ALDH2: variants seen among roughly 807,000 people sequenced by gnomAD.
The protein encoded by ALDH2 is aldehyde dehydrogenase, mitochondrial.
ALDH2 carries 44 observed loss-of-function variants against 59.6 expected under a neutral mutation model. That is an observed-to-expected ratio of 0.74 (90% CI 0.58 to 0.95). The LOEUF is 0.95. ALDH2 is among the 40% of genes least tolerant of loss of function. The probability of loss-of-function intolerance (pLI) is 0.00; values close to 1 mark genes in which losing one functional copy is unlikely to be tolerated. For synonymous variants in ALDH2, 291 were observed against 284.0 expected, an observed-to-expected ratio of 1.02 and a Z score of -0.25; for missense variants, 570 against 696.3, an observed-to-expected ratio of 0.82 and a Z score of 2.04.
chr12:111,790,668 G>C (rs1353831994), intron 6 of ALDH2, 106 bp downstream of exon 6: 170 of 1,465,248 alleles, frequency 1.2e-4, no homozygotes, highest in Non-Finnish European at 1.0e-5. Context: ...AGGTGTGTTT[G>C]TGGAGCCCCC....
At position 111,790,367 on chromosome 12, in the gene ALDH2, C is replaced by T. The variant is rs1014695177; in HGVS notation, c.553-67C>T. On this transcript the variant is annotated intron_variant, in intron 5 of 12. Transcript: ENST00000261733. ...CTGCTTCTGCCCTCTGGGGTTGCCACCTTCTGCTACCCAGTGTAGTTCTCT... is the reference window on the plus strand; with the variant it reads ...CTGCTTCTGCCCTCTGGGGTTGCCATCTTCTGCTACCCAGTGTAGTTCTCT... The T allele has an allele frequency of 1.9e-5, 30 of 1,603,884 alleles. No individual in the cohort carries two copies. In the African/African-American group the frequency reaches 2.4e-4, roughly 13 times the overall value.
chr12:111,785,314 G>A lies in ALDH2; in HGVS notation c.408G>A (p.Leu136=). 6.2e-7 allele frequency: 1 copy of A among 1,614,090 alleles called. No individual in the cohort carries two copies. Among genetic ancestry groups the A allele is most frequent in the Non-Finnish European group, 8.5e-7 (1 of 1,180,004 alleles). Residue 136 remains leucine (L), a synonymous_variant, in exon 4 of 13, where the codon CTG becomes CTA. Transcript: ENST00000261733. ...GCAAGCCCTATGTCATCTCCTACCT[G>A]GTGGATTTGGACATGGTCCTCAAAT... ...DNGKPYVISY[L]VDLDMVLKCL... is the part of the protein sequence containing the mutation.
chr12:111,796,563 T>C (rs1261679175), intron 9 of ALDH2, among the ~76,000 whole-genome samples: 1 of 152,088 alleles, frequency 6.6e-6, no homozygotes, highest in Non-Finnish European at 1.5e-5. Context: ...TTATTCTCCA[T>C]TGGTAACCAC....
intron 1 of ALDH2, among the ~76,000 whole-genome samples, chr12:111,772,887 G>A (rs2068211366): frequency 6.6e-6 from 1 of 151,048 alleles, no homozygotes; most frequent in African/African-American, 2.4e-5. Context: ...GCCGGGCATG[G>A]CAGCTCATGC....
intron 11 of ALDH2, among the ~76,000 whole-genome samples, chr12:111,803,141 C>T (rs933715558): frequency 4.6e-5 from 7 of 151,632 alleles, no homozygotes; most frequent in Non-Finnish European, 1.0e-4. Flanking sequence ...GCTGAGATCT[C>T]ACCACTGCAC....
rs2068572383 is a variant in ALDH2, at chr12:111,816,786, T to C, written c.*7211T>C. On this transcript the variant is annotated 3_prime_UTR_variant, in exon 13 of 13. Coordinates refer to ENST00000261733, the MANE Select transcript of ALDH2 (RefSeq NM_000690.4). Reference sequence around the variant, plus strand: ...TAGACAGGTCCAAGGGTTGAGGCTCTCCAGGCCTTGCTGGAATTTGGTCTA... The same window carrying C: ...TAGACAGGTCCAAGGGTTGAGGCTCCCCAGGCCTTGCTGGAATTTGGTCTA... 6.6e-6 allele frequency: 1 copy of C among 152,218 alleles called. No homozygotes were observed. Among genetic ancestry groups the C allele is most frequent in the Admixed American group, 6.5e-5 (1 of 15,282 alleles). 9.4% of individuals were successfully genotyped at this position (152,218 alleles called of 1,614,324 possible).
In ALDH2 at chr12:111,792,603, T is replaced by C; in HGVS notation, c.904T>C (p.Trp302Arg). ...CTCCTGCCCACTTCCCGCAGTGGAT[T>C]GGGCCGTGGAACAGGCCCACTTCGC... Reference protein sequence around the residue: ...NIIMSDADMDWAVEQAHFALF... With the variant: ...NIIMSDADMDRAVEQAHFALF... Residue 302 changes from tryptophan to arginine, a missense_variant, in exon 9 of 13, where the codon TGG becomes CGG. Transcript: ENST00000261733. The C allele has an allele frequency of 1.2e-6, 2 of 1,611,940 alleles. No individual in the cohort carries two copies. Among genetic ancestry groups the C allele is most frequent in the Non-Finnish European group, 1.7e-6 (2 of 1,179,720 alleles).
chr12:111,793,583 G>GA, intron 9 of ALDH2, among the ~76,000 whole-genome samples: 1 of 144,370 alleles, frequency 6.9e-6, no homozygotes, highest in East Asian at 2.1e-4. Context: ...GTGTATATTC[G>GA]GGTTTTTTTT....
At chr12:111,788,780 TCA>T in intron 4 of ALDH2, among the ~76,000 whole-genome samples, 1 of 151,912 alleles carries the variant, frequency 6.6e-6, no homozygotes, top group Middle Eastern at 3.4e-3. Flanking sequence ...GGCAGGAGGA[TCA>T]CTTGAGCTCA....
chr12:111,802,367 G>A lies in ALDH2; in HGVS notation c.1407-1492G>A, dbSNP rs1217966903. Among the ~76,000 whole-genome samples, 89 of 147,870 alleles carry A rather than the reference G, an allele frequency of 6.0e-4. 2 individuals are homozygous for A. Among genetic ancestry groups the A allele is most frequent in the African/African-American group, 1.8e-4 (7 of 39,690 alleles). On this transcript the variant is annotated intron_variant, in intron 11 of 12. Transcript: ENST00000261733. Reference sequence around the variant, plus strand: ...GCAGAGGTTACAGTGAGTTGAGATCGTGCCATTGCACTCCAGCCTGGGTGA... The same window carrying A: ...GCAGAGGTTACAGTGAGTTGAGATCATGCCATTGCACTCCAGCCTGGGTGA...
chr12:111,777,113 A>G (rs2068239602), intron 1 of ALDH2, among the ~76,000 whole-genome samples: 1 of 152,184 alleles, frequency 6.6e-6, no homozygotes, highest in Non-Finnish European at 1.5e-5. Flanking sequence ...GAGTTGGGAA[A>G]AACACAGGCC....
intron 10 of ALDH2, among the ~76,000 whole-genome samples, chr12:111,799,233 C>T (rs2068429242): frequency 6.6e-6 from 1 of 151,160 alleles, no homozygotes; most frequent in African/African-American, 2.4e-5. Flanking sequence ...GGTGCAATCT[C>T]AGCTCACTGC....
rs560781954 is a variant in ALDH2 at position 111,785,137 on chromosome 12, G to A, written c.361-130G>A. On this transcript the variant is annotated intron_variant, in intron 3 of 12. Coordinates refer to ENST00000261733, the MANE Select transcript of ALDH2 (RefSeq NM_000690.4). ...GTCCAGAGATGCTAGTGACATTTGG[G>A]GCACAAAGCGGACTCTCACCCTGGG... 234 of 751,214 alleles carry A rather than the reference G, an allele frequency of 3.1e-4. No homozygotes were observed. The African/African-American group carries it at 3.8e-3, about 12-fold the overall frequency. The allele number at this position is 751,214 out of a possible 1,614,324, so 46.5% of individuals were successfully genotyped here.
chr12:111,775,113 G>A (rs796696743), intron 1 of ALDH2, among the ~76,000 whole-genome samples: 27 of 152,330 alleles, frequency 1.8e-4, no homozygotes, highest in African/African-American at 5.1e-4. Context: ...GTGGAATAAC[G>A]TCCAAGAGAA....
intron 11 of ALDH2, among the ~76,000 whole-genome samples, chr12:111,801,278 T>G (rs979655988): frequency 6.6e-6 from 1 of 152,038 alleles, no homozygotes. Flanking sequence ...TTCAATTACC[T>G]CCCACAACAC....
At chr12:111,791,655 G>A (rs1186410017) in intron 7 of ALDH2, among the ~76,000 whole-genome samples, 1 of 152,196 alleles carries the variant, frequency 6.6e-6, no homozygotes, top group Non-Finnish European at 1.5e-5. Flanking sequence ...GCCAGGCCTG[G>A]CCAGACTCCA....
In ALDH2 at chr12:111,773,257, G is replaced by A. The variant is rs563404007; in HGVS notation, c.114+6161G>A. Among the ~76,000 whole-genome samples, 23 of 152,164 alleles carry A rather than the reference G, an allele frequency of 1.5e-4. No homozygotes were observed. The South Asian group carries it at 4.1e-3, about 27-fold the overall frequency. On this transcript the variant is annotated intron_variant, in intron 1 of 12. Transcript: ENST00000261733. ...GCTGGGATTACAGGCATGAGCCACC[G>A]TGGCCGGCCCGTGTTTTTAATCAGA... is the stretch of plus-strand genomic sequence containing the variant.
At chr12:111,768,671 T>C (rs2068176354) in intron 1 of ALDH2, among the ~76,000 whole-genome samples, 1 of 151,856 alleles carries the variant, frequency 6.6e-6, no homozygotes, top group Non-Finnish European at 1.5e-5. Context: ...AGACCCTGTC[T>C]CTAGTCTCTA....
intron 7 of ALDH2, among the ~76,000 whole-genome samples, chr12:111,791,823 G>A (rs1194849189): frequency 1.3e-5 from 2 of 152,126 alleles, no homozygotes; most frequent in African/African-American, 2.4e-5. Flanking sequence ...GGTTGCCAGA[G>A]CCTGAGAGGT....
Sources: gnomAD v4.1 joint callset for allele counts (sites outside exome capture counted in the v4.1 genomes callset) on GRCh38, gnomAD v4.1.1 for gene constraint, MANE v1.5 for transcripts, NCBI Gene and HGNC (gene_info 2026-07-23, HGNC 2026-07-21) for gene names.